POT1: variants seen among roughly 807,000 people sequenced by gnomAD.
POT1 encodes the protein protection of telomeres 1.
In POT1, 47 loss-of-function variants were observed where a neutral mutation model predicts 78.5. That is an observed-to-expected ratio of 0.60 (90% CI 0.47 to 0.76). The LOEUF (loss-of-function observed/expected upper bound fraction) is 0.76. Among genes scored for constraint, POT1 ranks in the 30% least tolerant of loss-of-function variants. POT1 has a pLI of 0.00. For synonymous variants in POT1, 259 were observed against 260.7 expected (o/e 0.99, Z 0.06); for missense variants, 646 against 749.9 (o/e 0.86, Z 1.62).
At chr7:124,859,724 A>T (rs567681632) in intron 8 of POT1, among the ~76,000 whole-genome samples, 37 of 92,120 alleles carry the variant, frequency 4.0e-4, no homozygotes, top group South Asian at 1.3e-3. Context: ...TATTTATATA[A>T]AAAAAAAAAA....
rs145946667 is a variant in POT1, at chr7:124,900,525, T to C, written c.-153-2151A>G. ...TGTAAGTTCCTTGGACTGAAAGTAA[T>C]GGAGATCATTCCAAGATGGCCGAAT... On this transcript the variant is annotated intron_variant, in intron 3 of 18. Coordinates refer to ENST00000357628, the MANE Select transcript of POT1 (RefSeq NM_015450.3). 4.4e-3 allele frequency among the ~76,000 whole-genome samples: 669 copies of C among 152,194 alleles called. 2 individuals are homozygous for C. The highest frequency in any genetic ancestry group is 7.2e-3 in the Non-Finnish European group (489 of 68,014).
intron 3 of POT1, among the ~76,000 whole-genome samples, chr7:124,914,137 A>AAG (rs67250520): frequency 2.5e-3 from 56 of 22,168 alleles, no homozygotes; most frequent in African/African-American, 0.015. Context: ...TCTGTCTCAG[A>AAG]AAAAAAAAAA....
chr7:124,902,779 C>G (rs1363883690), intron 3 of POT1, among the ~76,000 whole-genome samples: 1 of 152,020 alleles, frequency 6.6e-6, no homozygotes, highest in East Asian at 1.9e-4. Context: ...TTCAGGAGAC[C>G]CATCTCACAT....
chr7:124,837,426 TAATA>T (rs147335333), intron 14 of POT1, among the ~76,000 whole-genome samples: 2,890 of 152,182 alleles, frequency 0.019, 92 homozygotes, highest in African/African-American at 0.065. Context: ...ATAGTGTTAA[TAATA>T]AATAAATATT....
chr7:124,903,890 T>C (rs961084456), intron 3 of POT1, among the ~76,000 whole-genome samples: 8 of 152,118 alleles, frequency 5.3e-5, no homozygotes, highest in African/African-American at 9.7e-5. Flanking sequence ...CTATGAACAC[T>C]TCTACGCAAA....
At chr7:124,833,530 C>A (rs1204640532) in intron 15 of POT1, among the ~76,000 whole-genome samples, 3 of 152,200 alleles carry the variant, frequency 2.0e-5, no homozygotes, top group African/African-American at 7.2e-5. Flanking sequence ...CTACCCCCTC[C>A]TTCTAAATGT....
At chr7:124,844,050 TATCAGAGTGGAACATTTATTAC>T (rs1159188272) in intron 12 of POT1, among the ~76,000 whole-genome samples, 7 of 152,232 alleles carry the variant, frequency 4.6e-5, no homozygotes, top group East Asian at 1.9e-4. Context: ...CACTTGCCTT[TATCAGAGTGGAACATTTATTAC>T]ATCAGAGTGG....
intron 3 of POT1, among the ~76,000 whole-genome samples, chr7:124,902,729 G>T (rs1311567907): frequency 6.6e-6 from 1 of 152,088 alleles, no homozygotes; most frequent in African/African-American, 2.4e-5. Flanking sequence ...ACACAGAATG[G>T]CAAATTGGAT....
At chr7:124,882,234 A>G (rs1307489795) in intron 6 of POT1, among the ~76,000 whole-genome samples, 1 of 152,010 alleles carries the variant, frequency 6.6e-6, no homozygotes, top group Non-Finnish European at 1.5e-5. Context: ...TTTATCTACT[A>G]AAACACTGCT....
intron 6 of POT1, among the ~76,000 whole-genome samples, chr7:124,876,925 T>C: frequency 6.6e-6 from 1 of 152,116 alleles, no homozygotes; most frequent in East Asian, 1.9e-4. Context: ...TCTTATTCCA[T>C]AAAATCAACC....
At chr7:124,912,923 G>A (rs534580453) in intron 3 of POT1, among the ~76,000 whole-genome samples, 2 of 152,122 alleles carry the variant, frequency 1.3e-5, no homozygotes, top group African/African-American at 2.4e-5. Flanking sequence ...AGACATACCC[G>A]ACACTGGGCA....
At position 124,835,344 on chromosome 7, in the gene POT1, G is replaced by A. The variant is rs777152247; in HGVS notation, c.1440C>T (p.His480=). The A allele has an allele frequency of 6.2e-6, 10 of 1,614,038 alleles. No individual in the cohort carries two copies. Among genetic ancestry groups the A allele is most frequent in the East Asian group, 2.2e-5 (1 of 44,864 alleles). The change falls in exon 15 of 19, where the codon CAC becomes CAT. Residue 480 remains histidine, a synonymous_variant. Coordinates refer to ENST00000357628, the MANE Select transcript of POT1 (RefSeq NM_015450.3). ...AAAGGTCCAAAAGTTCCAGGTCTTC[G>A]TGGCCAGATCTCACAGGAATTACAC... ...FNSVIPVRSG[H]EDLELLDLSA...
intron 2 of POT1, among the ~76,000 whole-genome samples, chr7:124,919,879 G>A (rs764976685): frequency 2.0e-5 from 3 of 152,104 alleles, no homozygotes; most frequent in Admixed American, 6.6e-5. Flanking sequence ...CCGTGTGCAC[G>A]TTATGTACCT....
At chr7:124,862,597 A>G (rs140581924) in intron 8 of POT1, among the ~76,000 whole-genome samples, 2 of 152,258 alleles carry the variant, frequency 1.3e-5, no homozygotes, top group Non-Finnish European at 2.9e-5. Flanking sequence ...CTGTTTTTTA[A>G]TATGGGCAAG....
chr7:124,913,306 TTTTTTTAA>T (rs1796936044), intron 3 of POT1, among the ~76,000 whole-genome samples: 1 of 152,154 alleles, frequency 6.6e-6, no homozygotes, highest in African/African-American at 2.4e-5. Context: ...AAATCACCTA[TTTTTTTAA>T]TTGAATTGCT....
chr7:124,880,083 T>C (rs1039880630), intron 6 of POT1, among the ~76,000 whole-genome samples: 1 of 152,204 alleles, frequency 6.6e-6, no homozygotes, highest in South Asian at 2.1e-4. Flanking sequence ...AATGCCTGTA[T>C]AGTTTTGATG....
chr7:124,852,590 A>C (rs1280134206), intron 10 of POT1, among the ~76,000 whole-genome samples: 1 of 152,164 alleles, frequency 6.6e-6, no homozygotes, highest in African/African-American at 2.4e-5. Context: ...AATCAGTGGC[A>C]CTTCAGAAAT....
chr7:124,877,462 T>C (rs532293744), intron 6 of POT1, among the ~76,000 whole-genome samples: 1 of 151,704 alleles, frequency 6.6e-6, no homozygotes, highest in Non-Finnish European at 1.5e-5. Context: ...GATAGATAGA[T>C]AGAGAGCAGG....
intron 3 of POT1, among the ~76,000 whole-genome samples, chr7:124,914,292 CT>C (rs1796963620): frequency 6.6e-6 from 1 of 151,962 alleles, no homozygotes; most frequent in South Asian, 2.1e-4. Context: ...CTTTGTTGTT[CT>C]TTTTTAAGGT....
Sources: allele counts gnomAD v4.1 joint callset (sites outside exome capture counted in the v4.1 genomes callset), GRCh38; gene constraint gnomAD v4.1.1; transcripts MANE v1.5; gene names NCBI Gene and HGNC (gene_info 2026-07-23, HGNC 2026-07-21).